Variants in LRRFIP2 observed in about 807,000 individuals in gnomAD.
LRRFIP2 encodes LRR binding FLII interacting protein 2, also known as leucine-rich repeat flightless-interacting protein 2.
In LRRFIP2, 109 loss-of-function variants were observed where a neutral mutation model predicts 125.9. That is an observed-to-expected ratio of 0.87 (90% CI 0.74 to 1.01). The LOEUF is 1.01. Among genes scored for constraint, LRRFIP2 ranks in the 50% least tolerant of loss-of-function variants. The pLI is 0.00. For missense variants in LRRFIP2, 850 were observed against 862.3 expected, an observed-to-expected ratio of 0.99 and a Z score of 0.18; for synonymous variants, 291 against 293.1, an observed-to-expected ratio of 0.99 and a Z score of 0.07.
Position 37,072,859 on chromosome 3 carries a change from T to C in LRRFIP2, c.1395A>G (p.Lys465=). The change falls in exon 21 of 28, where the codon AAA becomes AAG. Residue 465 remains lysine, a synonymous_variant. Transcript: ENST00000336686. ...LIEEKQRMQQ[K]IDTMTKEVFD... ...ACACCTCTTTTGTCATGGTGTCTAT[T>C]TTCTGCTGCATGCGCTGCTTCTCCT... is the stretch of plus-strand genomic sequence containing the variant. 1 of 1,612,878 alleles carries C rather than the reference T, an allele frequency of 6.2e-7. No individual in the cohort carries two copies. Among genetic ancestry groups the C allele is most frequent in the Non-Finnish European group, 8.5e-7 (1 of 1,179,372 alleles).
chr3:37,082,445 C>T (rs60247513), intron 19 of LRRFIP2, among the ~76,000 whole-genome samples: 3,761 of 152,152 alleles, frequency 0.025, 156 homozygotes, highest in African/African-American at 0.085. Flanking sequence ...TCCCCACACA[C>T]GCACAGTCTA....
intron 4 of LRRFIP2, among the ~76,000 whole-genome samples, 194 bp from the exon 5 acceptor site, chr3:37,121,885 TG>T (rs2095063639): frequency 7.4e-6 from 1 of 134,436 alleles, no homozygotes; most frequent in South Asian, 2.4e-4. Context: ...TGTGTGTGTG[TG>T]TAAGTTTCAA....
rs576165013 is a variant in LRRFIP2, at chr3:37,100,133, G to C, written c.873+2791C>G. On this transcript the variant is annotated intron_variant, in intron 15 of 27. Coordinates refer to ENST00000336686, the MANE Select transcript of LRRFIP2 (RefSeq NM_006309.4). Reference sequence around the variant, plus strand: ...GAGAGAGGCCCAGAAAATACTGTAGGCTTTTCCAGGAGGCAAAATTAAGGA... The same window carrying C: ...GAGAGAGGCCCAGAAAATACTGTAGCCTTTTCCAGGAGGCAAAATTAAGGA... Among the ~76,000 whole-genome samples the C allele has an allele frequency of 2.6e-5, 4 of 152,032 alleles. No homozygotes were observed. In the East Asian group the frequency reaches 7.7e-4, roughly 29 times the overall value.
intron 2 of LRRFIP2, among the ~76,000 whole-genome samples, chr3:37,132,482 T>C (rs552825305): frequency 6.6e-6 from 1 of 152,204 alleles, no homozygotes; most frequent in African/African-American, 2.4e-5. Context: ...AGAAAGAACA[T>C]GGGCTTCAGA....
At position 37,083,702 on chromosome 3, in the gene LRRFIP2, C is replaced by G. The variant is rs910456641; in HGVS notation, c.1212G>C (p.Lys404Asn). 5.0e-6 allele frequency: 8 copies of G among 1,596,828 alleles called. No individual in the cohort carries two copies. Among genetic ancestry groups the G allele is most frequent in the Non-Finnish European group, 6.8e-6 (8 of 1,173,948 alleles). Residue 404 changes from lysine (K) to asparagine (N), a missense_variant, in exon 19 of 28, where the codon AAG becomes AAC. Transcript: ENST00000336686. ...GTTCCTCCTGCTCTTCAATAACATC[C>G]TTGAGTGTGTCTACTTGGTAGATCA... is the stretch of plus-strand genomic sequence containing the variant. ...NNLIYQVDTL[K>N]DVIEEQEEQM...
chr3:37,083,452 AT>A (rs1559759977), intron 19 of LRRFIP2, among the ~76,000 whole-genome samples, 183 bp downstream of exon 19: 1 of 152,126 alleles, frequency 6.6e-6, no homozygotes. Flanking sequence ...TCAAGAAAAT[AT>A]TTTTTTAAAT....
At chr3:37,081,209 T>C (rs921644317) in intron 19 of LRRFIP2, among the ~76,000 whole-genome samples, 11 of 152,202 alleles carry the variant, frequency 7.2e-5, no homozygotes, top group African/African-American at 1.2e-4. Flanking sequence ...GCCACTGCAC[T>C]CCAGCCTGGG....
At chr3:37,107,499 A>G (rs2094386120) in intron 13 of LRRFIP2, among the ~76,000 whole-genome samples, 1 of 152,228 alleles carries the variant, frequency 6.6e-6, no homozygotes, top group South Asian at 2.1e-4. Flanking sequence ...GTTATTGAAG[A>G]ACAGAGATTA....
At chr3:37,169,960 T>C (rs2096563137) in intron 1 of LRRFIP2, among the ~76,000 whole-genome samples, 1 of 152,204 alleles carries the variant, frequency 6.6e-6, no homozygotes, top group African/African-American at 2.4e-5. Flanking sequence ...TTTTCTTTTT[T>C]TTCCCGAGGA....
chr3:37,158,314 A>T (rs9828017), intron 1 of LRRFIP2, among the ~76,000 whole-genome samples: 4,981 of 152,256 alleles, frequency 0.033, 229 homozygotes, highest in African/African-American at 0.1. Flanking sequence ...AAGACTTAAA[A>T]GTGTGAAACA....
At chr3:37,064,834 G>A (rs992810756) in intron 23 of LRRFIP2, 2 of 152,180 alleles carry the variant, frequency 1.3e-5, no homozygotes, top group African/African-American at 2.4e-5. Context: ...CTTCCAAGCA[G>A]ATCTGCCTGC....
In LRRFIP2 at chr3:37,094,850, C is replaced by T. The variant is rs779592090; in HGVS notation, c.977G>A (p.Arg326Gln). 4 of 1,613,972 alleles carry T rather than the reference C, an allele frequency of 2.5e-6. No individual in the cohort carries two copies. Among genetic ancestry groups the T allele is most frequent in the South Asian group, 1.1e-5 (1 of 91,080 alleles). ...TTPLSGNSSR[R>Q]GSGDTSSLID... is the part of the protein sequence containing the mutation. ...TAAGCTGCTGGTGTCCCCACTTCCTCGTCTGGATGAGTTTCCACTTAGAGG... is the reference window on the plus strand; with the variant it reads ...TAAGCTGCTGGTGTCCCCACTTCCTTGTCTGGATGAGTTTCCACTTAGAGG... Residue 326 changes from arginine to glutamine, a missense_variant, in exon 17 of 28, where the codon CGA becomes CAA. Arg to Gln is a conservative substitution (Grantham distance 43). Transcript: ENST00000336686.
At chr3:37,096,987 G>A (rs190960137) in intron 15 of LRRFIP2, among the ~76,000 whole-genome samples, 141 of 151,966 alleles carry the variant, frequency 9.3e-4, no homozygotes, top group African/African-American at 3.3e-3. Flanking sequence ...TACAAAAAAA[G>A]CTTGTACATA....
At chr3:37,111,480 C>T (rs2094541816) in intron 8 of LRRFIP2, among the ~76,000 whole-genome samples, 1 of 152,106 alleles carries the variant, frequency 6.6e-6, no homozygotes, top group Non-Finnish European at 1.5e-5. Flanking sequence ...AATAAACTGA[C>T]AAATTAAGTT....
chr3:37,137,856 T>G (rs1455751643), intron 2 of LRRFIP2, among the ~76,000 whole-genome samples: 1 of 152,212 alleles, frequency 6.6e-6, no homozygotes, highest in African/African-American at 2.4e-5. Context: ...CCAGTTTCCA[T>G]TAATGGAATC....
intron 15 of LRRFIP2, among the ~76,000 whole-genome samples, chr3:37,098,988 A>C (rs920161132): frequency 6.6e-6 from 1 of 152,144 alleles, no homozygotes; most frequent in Non-Finnish European, 1.5e-5. Flanking sequence ...TTTTTAATAG[A>C]CTGTCCATGG....
At chr3:37,106,497 A>G (rs1300734672) in intron 13 of LRRFIP2, among the ~76,000 whole-genome samples, 1 of 152,208 alleles carries the variant, frequency 6.6e-6, no homozygotes, top group Non-Finnish European at 1.5e-5. Context: ...GCCTATAAGG[A>G]CAAGATCCTA....
intron 25 of LRRFIP2, among the ~76,000 whole-genome samples, chr3:37,056,776 T>G (rs2087011507): frequency 6.6e-6 from 1 of 152,056 alleles, no homozygotes; most frequent in Non-Finnish European, 1.5e-5. Flanking sequence ...AGGGTTACCA[T>G]CTCCCCAAAA....
intron 14 of LRRFIP2, among the ~76,000 whole-genome samples, chr3:37,103,928 T>C (rs540126915): frequency 6.6e-6 from 1 of 152,298 alleles, no homozygotes; most frequent in African/African-American, 2.4e-5. Context: ...CAAACATTTA[T>C]TTAATTTTAA....
Sources: allele counts gnomAD v4.1 joint callset (sites outside exome capture counted in the v4.1 genomes callset), GRCh38; gene constraint gnomAD v4.1.1; transcripts MANE v1.5; gene names NCBI Gene and HGNC (gene_info 2026-07-23, HGNC 2026-07-21).